The following POU2F2 variants were observed in gnomAD, a reference collection of about 807,000 sequenced individuals.
The protein encoded by POU2F2 is POU class 2 homeobox 2, also known as POU domain, class 2, transcription factor 2.
POU2F2 carries 14 observed loss-of-function variants against 63.5 expected under a neutral mutation model. The observed-to-expected ratio is 0.22, with a 90% CI of 0.15 to 0.34. The LOEUF (loss-of-function observed/expected upper bound fraction) is 0.34, where lower values mean the gene tolerates loss of function less well. Ranked by LOEUF, POU2F2 falls within the 10% of genes least tolerant of loss-of-function variation. POU2F2 has a pLI of 1.00. For missense variants in POU2F2, 607 were observed against 815.2 expected (o/e 0.74, Z 3.11); for synonymous variants, 306 against 348.6 (o/e 0.88, Z 1.36).
intron 2 of POU2F2, among the ~76,000 whole-genome samples, chr19:42,143,190 C>A (rs2146758770): frequency 6.6e-6 from 1 of 152,202 alleles, no homozygotes; most frequent in South Asian, 2.1e-4. Context: ...TGGTGAAATC[C>A]TGTCTCTGCT....
At position 42,099,558 on chromosome 19, in the gene POU2F2, G is replaced by A; in HGVS notation, c.536C>T (p.Thr179Ile). The change falls in exon 7 of 15, where the codon ACC (threonine) becomes ATC (isoleucine). Residue 179 changes from threonine to isoleucine, a missense_variant. Physicochemically the swap from Thr to Ile is moderately conservative, Grantham distance 89. Coordinates refer to ENST00000692977, the MANE Select transcript of POU2F2 (RefSeq NM_001394376.1). ...LPQQTQGALL[T>I]SQPRAGLPTQ... is the part of the protein sequence containing the mutation. ...GGGAAGCCCGGCCCGGGGCTGGGAG[G>A]TCAGAAGAGCTCCCTGGGTTTGCTG... The A allele has an allele frequency of 3.1e-6, 5 of 1,614,078 alleles. No homozygotes were observed. Among genetic ancestry groups the A allele is most frequent in the Non-Finnish European group, 4.2e-6 (5 of 1,179,900 alleles).
chr19:42,095,938 GT>G lies in POU2F2; in HGVS notation c.730-10del. 31 of 1,612,212 alleles carry G rather than the reference GT, an allele frequency of 1.9e-5. No individual in the cohort carries two copies. Among genetic ancestry groups the G allele is most frequent in the Non-Finnish European group, 2.5e-5 (30 of 1,178,878 alleles). ...GCCAGGCCCACATCACCCTGGGCCAGTGGGGCGGGGAAGGGCCCGAAGTCAG... is the reference window on the plus strand; with the variant it reads ...GCCAGGCCCACATCACCCTGGGCCAGGGGGCGGGGAAGGGCCCGAAGTCAG... On this transcript the variant is annotated splice_polypyrimidine_tract_variant and intron_variant, in intron 8 of 14. Transcript: ENST00000692977. This position sits in a 1 kb window ranked among gnomAD's most constrained non-coding sequence, Gnocchi z 7.1.
upstream of POU2F2, among the ~76,000 whole-genome samples, chr19:42,134,099 G>A (rs1324807903): frequency 1.3e-5 from 2 of 152,146 alleles, no homozygotes; most frequent in African/African-American, 4.8e-5. Context: ...CTTCCCGACA[G>A]CAGCCTGGTA....
Position 42,152,049 on chromosome 19 carries a change from C to CA in POU2F2, c.-9+8282dup, listed in dbSNP as rs761534524. ...AGTTTTCCCCTTTTGCCCATGGCTA[C>CA]AGTGAAGGAGGAGGATTCACACTCT... On this transcript the variant is annotated intron_variant, in intron 2 of 6. Coordinates refer to the POU2F2 transcript ENST00000524801. The surrounding 1 kb of genome is among the most constrained non-coding windows in gnomAD (Gnocchi z 4.1). 2.3e-4 allele frequency among the ~76,000 whole-genome samples: 35 copies of CA among 152,146 alleles called. No individual in the cohort carries two copies. The highest frequency in any genetic ancestry group is 4.6e-4 in the Non-Finnish European group (31 of 68,022).
chr19:42,148,119 C>T (rs1229204979), intron 2 of POU2F2, among the ~76,000 whole-genome samples: 1 of 151,890 alleles, frequency 6.6e-6, no homozygotes, highest in African/African-American at 2.4e-5. Flanking sequence ...TCCAGGTTTC[C>T]TGGTCTTGGC....
At chr19:42,178,233 G>T (rs1260476057), upstream of POU2F2, among the ~76,000 whole-genome samples, 1 of 151,844 alleles carries the variant, frequency 6.6e-6, no homozygotes, top group Non-Finnish European at 1.5e-5. Flanking sequence ...ATAAGGAGAA[G>T]AGGTCCATGC....
chr19:42,179,890 A>C (rs2034941806), upstream of POU2F2, among the ~76,000 whole-genome samples: 1 of 152,162 alleles, frequency 6.6e-6, no homozygotes, highest in South Asian at 2.1e-4. Flanking sequence ...TGTGCGCAAC[A>C]CAAATAAATG....
At chr19:42,134,501 AAGG>A (rs1435198835), upstream of POU2F2, 1 of 152,342 alleles carries the variant, frequency 6.6e-6, no homozygotes, top group African/African-American at 2.4e-5. Flanking sequence ...GGGGATCTTG[AAGG>A]AGGATGGGCC....
rs1259673689 is a variant in POU2F2, at chr19:42,162,949, T to C, written c.-69-2557A>G. Among the ~76,000 whole-genome samples, 2 of 152,188 alleles carry C rather than the reference T, an allele frequency of 1.3e-5. No individual in the cohort carries two copies. The highest frequency in any genetic ancestry group is 2.9e-5 in the Non-Finnish European group (2 of 68,024). On this transcript the variant is annotated intron_variant, in intron 1 of 6. Coordinates refer to the POU2F2 transcript ENST00000524801. This position sits in a 1 kb window ranked among gnomAD's most constrained non-coding sequence, Gnocchi z 4.1. Reference sequence around the variant, plus strand: ...ATGCACCAGGGGTGGGTCATTGCTCTGCAGGTGTGATCTCTCAGCATCTCA... The same window carrying C: ...ATGCACCAGGGGTGGGTCATTGCTCCGCAGGTGTGATCTCTCAGCATCTCA...
At chr19:42,173,161 A>G (rs1040929611) in intron 1 of POU2F2, among the ~76,000 whole-genome samples, 3 of 152,144 alleles carry the variant, frequency 2.0e-5, no homozygotes, top group Non-Finnish European at 2.9e-5. Flanking sequence ...ATTTAGAAGG[A>G]GGAATAGACA....
intron 1 of POU2F2, among the ~76,000 whole-genome samples, chr19:42,194,853 G>A (rs1943498790): frequency 7.5e-6 from 1 of 133,740 alleles, no homozygotes; most frequent in Admixed American, 7.6e-5. Flanking sequence ...GGAAGGGAGG[G>A]AGGGAAGGTG....
Position 42,099,792 on chromosome 19 carries a change from C to T in POU2F2, c.399G>A (p.Gln133=), listed in dbSNP as rs1203614621. 6.3e-7 allele frequency: 1 copy of T among 1,578,528 alleles called. No individual in the cohort carries two copies. Among genetic ancestry groups the T allele is most frequent in the Non-Finnish European group, 8.6e-7 (1 of 1,160,932 alleles). ...GGTGGTGGCCTGGCACAAGCACCAGCTGCTGGAGCTGGAGGAGCTGCTGTA... is the reference window on the plus strand; with the variant it reads ...GGTGGTGGCCTGGCACAAGCACCAGTTGCTGGAGCTGGAGGAGCTGCTGTA... The part of the protein sequence containing the change: ...GDIQQLLQLQ[Q]LVLVPGHHLQ... The change falls in exon 6 of 15, where the codon CAG becomes CAA. Residue 133 remains glutamine, a synonymous_variant. Coordinates refer to ENST00000692977, the MANE Select transcript of POU2F2 (RefSeq NM_001394376.1).
chr19:42,121,843 T>G (rs548164212), intron 4 of POU2F2, among the ~76,000 whole-genome samples: 1 of 151,814 alleles, frequency 6.6e-6, no homozygotes, highest in Admixed American at 6.5e-5. Context: ...CTCTGTTGGG[T>G]CAGGGAAGTT....
intron 2 of POU2F2, among the ~76,000 whole-genome samples, chr19:42,147,345 T>C (rs1213794369): frequency 6.6e-6 from 1 of 152,214 alleles, no homozygotes; most frequent in Non-Finnish European, 1.5e-5. Context: ...CTGTGCTCTT[T>C]GCCCCATTAA....
chr19:42,196,112 G>A (rs1237724975), intron 1 of POU2F2, among the ~76,000 whole-genome samples: 1 of 152,092 alleles, frequency 6.6e-6, no homozygotes, highest in Non-Finnish European at 1.5e-5. Context: ...GTAGCAGAAA[G>A]CACAGGGAGC....
chr19:42,107,419 A>T (rs75822451), intron 5 of POU2F2, among the ~76,000 whole-genome samples: 1,898 of 152,302 alleles, frequency 0.012, 48 homozygotes, highest in African/African-American at 0.044. Flanking sequence ...AGTGGTCATA[A>T]AATCATTTAT....
At chr19:42,176,921 C>T (rs1046634515), upstream of POU2F2, among the ~76,000 whole-genome samples, 5 of 151,278 alleles carry the variant, frequency 3.3e-5, no homozygotes, top group Non-Finnish European at 4.4e-5. Context: ...CATTAAGCTT[C>T]TTGCAATCAA....
chr19:42,149,057 T>C (rs1277101339), intron 2 of POU2F2, among the ~76,000 whole-genome samples: 1 of 151,980 alleles, frequency 6.6e-6, no homozygotes, highest in East Asian at 1.9e-4. Context: ...TTCCCCAGCC[T>C]GAAGATCCTG....
chr19:42,161,267 G>C (rs2034546641), intron 1 of POU2F2, among the ~76,000 whole-genome samples: 1 of 152,202 alleles, frequency 6.6e-6, no homozygotes, highest in Non-Finnish European at 1.5e-5. Flanking sequence ...GGTTCAGTAA[G>C]AAAAATGGGG....
Sources: allele counts gnomAD v4.1 joint callset (sites outside exome capture counted in the v4.1 genomes callset), GRCh38; gene constraint gnomAD v4.1.1; non-coding constraint Gnocchi (gnomAD v3.1); transcripts MANE v1.5; gene names NCBI Gene and HGNC (gene_info 2026-07-23, HGNC 2026-07-21).